Variants in SLC25A26 observed in about 807,000 individuals in gnomAD.
SLC25A26 encodes the protein mitochondrial S-adenosylmethionine carrier protein.
In SLC25A26, 36 loss-of-function variants were observed where a neutral mutation model predicts 37.8. The ratio of observed to expected loss-of-function variants is 0.95; its 90% CI spans 0.73 to 1.26. The LOEUF is 1.26. SLC25A26 is among the 50% of genes most tolerant of loss of function. The pLI, the probability that SLC25A26 is intolerant of heterozygous loss-of-function variation, is 0.00. For synonymous variants in SLC25A26, 129 were observed against 122.5 expected (o/e 1.05, Z -0.35); for missense variants, 390 against 331.1 (o/e 1.18, Z -1.38).
chr3:66,202,915 G>A (rs2071128924), intron 1 of SLC25A26, among the ~76,000 whole-genome samples: 1 of 152,082 alleles, frequency 6.6e-6, no homozygotes, highest in African/African-American at 2.4e-5. Context: ...CTTTGTTCAA[G>A]ACCAAATTTA....
chr3:66,197,299 A>T (rs961938473), intron 1 of SLC25A26, among the ~76,000 whole-genome samples: 20 of 152,280 alleles, frequency 1.3e-4, no homozygotes, highest in Admixed American at 7.8e-4. Context: ...CTGTATGAGG[A>T]TAGGCATCAG....
intron 1 of SLC25A26, among the ~76,000 whole-genome samples, chr3:66,213,399 C>CAAAAAAA (rs1169648803): frequency 6.9e-5 from 2 of 28,840 alleles, no homozygotes; most frequent in African/African-American, 2.8e-4. Flanking sequence ...GACTCTGTCT[C>CAAAAAAA]AAAAAAAAAA....
At position 66,236,598 on chromosome 3, in the gene SLC25A26, A is replaced by T; in HGVS notation, c.88A>T (p.Ile30Phe). 1 of 1,517,402 alleles carries T rather than the reference A, an allele frequency of 6.6e-7. No individual in the cohort carries two copies. The allele number at this position is 1,517,402 out of a possible 1,614,324, so 94.0% of individuals were successfully genotyped here. A position where few individuals can be genotyped will look rare whatever the true frequency, so the allele number is the denominator to read the frequency against. Residue 30 changes from isoleucine (I) to phenylalanine (F), a missense_variant, in exon 2 of 10, where the codon ATT becomes TTT. Coordinates refer to ENST00000354883, the MANE Select transcript of SLC25A26 (RefSeq NM_001379210.1). ...VDLILFPLDT[I>F]KTRLQSPQGF... The stretch of plus-strand genomic sequence containing the variant: ...CTTGATATTATTTCCTCTGGATACC[A>T]TTAAAACCAGGCTGCAGAGTCCCCA...
At chr3:66,264,836 A>C (rs577853617) in intron 5 of SLC25A26, among the ~76,000 whole-genome samples, 8 of 152,256 alleles carry the variant, frequency 5.3e-5, no homozygotes, top group Non-Finnish European at 1.0e-4. Context: ...TTCAGTCTGG[A>C]CTGGAGTCCT....
chr3:66,139,569 C>T (rs1239940372), intron 1 of SLC25A26, among the ~76,000 whole-genome samples: 1 of 152,164 alleles, frequency 6.6e-6, no homozygotes, highest in African/African-American at 2.4e-5. Flanking sequence ...AAAACAGTGA[C>T]TGAAGATTGA....
chr3:66,141,054 C>T (rs2070026131), intron 1 of SLC25A26, among the ~76,000 whole-genome samples: 1 of 149,436 alleles, frequency 6.7e-6, no homozygotes, highest in South Asian at 2.1e-4. Context: ...AAACAGGACA[C>T]ACACACACAC....
At chr3:66,319,786 T>C (rs2075644267) in intron 5 of SLC25A26, among the ~76,000 whole-genome samples, 1 of 125,944 alleles carries the variant, frequency 7.9e-6, no homozygotes, top group African/African-American at 3.2e-5. Context: ...GAAGTTTCAC[T>C]CTTGTTGCCC....
Position 66,262,143 on chromosome 3 carries a change from C to T in SLC25A26, c.393C>T (p.Ile131=). 6.5e-7 allele frequency: 1 copy of T among 1,548,916 alleles called. No individual in the cohort carries two copies. The highest frequency in any genetic ancestry group is 8.8e-7 in the Non-Finnish European group (1 of 1,140,400). Residue 131 remains isoleucine (I), a synonymous_variant, in exon 4 of 10, where the codon ATC becomes ATT. Transcript: ENST00000354883. ...GAACATTTCAGATTTTCTCTAACAT[C>T]TTATATGAAGAGGTGAGATGGGTTT... ...STRTFQIFSN[I]LYEEGIQGLY... is the part of the protein sequence containing the mutation.
intron 7 of SLC25A26, among the ~76,000 whole-genome samples, chr3:66,366,579 A>G (rs543760860): frequency 3.3e-5 from 5 of 152,320 alleles, no homozygotes; most frequent in African/African-American, 9.6e-5. Flanking sequence ...TGAAACCTAA[A>G]TCTCCAAGAG....
chr3:66,293,131 C>G (rs1028053030), intron 5 of SLC25A26: 3 of 152,240 alleles, frequency 2.0e-5, no homozygotes, highest in Admixed American at 2.0e-4. Context: ...TGGAAAGCTT[C>G]ACGAATTTGC....
intron 1 of SLC25A26, among the ~76,000 whole-genome samples, chr3:66,195,967 A>C (rs961879772): frequency 6.6e-6 from 1 of 152,206 alleles, no homozygotes; most frequent in Non-Finnish European, 1.5e-5. Context: ...CAAGCGTAGG[A>C]GCTATTGATA....
intron 5 of SLC25A26, among the ~76,000 whole-genome samples, chr3:66,295,591 C>T (rs981843314): frequency 6.6e-5 from 10 of 151,728 alleles, no homozygotes; most frequent in Admixed American, 1.3e-4. Context: ...TTAGTAGAGA[C>T]GGGGTTTCAC....
At chr3:66,189,457 C>G (rs1319648753) in intron 1 of SLC25A26, among the ~76,000 whole-genome samples, 10 of 151,978 alleles carry the variant, frequency 6.6e-5, no homozygotes, top group Non-Finnish European at 1.5e-4. Context: ...GTCTGTGACC[C>G]CCTCTCTCTG....
chr3:66,360,961 G>A (rs530992160), intron 6 of SLC25A26, among the ~76,000 whole-genome samples: 2 of 152,270 alleles, frequency 1.3e-5, no homozygotes, highest in African/African-American at 4.8e-5. Context: ...CTTTGAAAAA[G>A]AATTTGGAAG....
chr3:66,239,511 G>C (rs2072465559), intron 2 of SLC25A26, among the ~76,000 whole-genome samples: 1 of 152,134 alleles, frequency 6.6e-6, no homozygotes, highest in Non-Finnish European at 1.5e-5. Flanking sequence ...GGCAGAAGCT[G>C]CTTCTCCTGT....
At chr3:66,186,000 C>T (rs1050241637) in intron 1 of SLC25A26, among the ~76,000 whole-genome samples, 1 of 151,840 alleles carries the variant, frequency 6.6e-6, no homozygotes, top group Non-Finnish European at 1.5e-5. Flanking sequence ...ATGACCCTGA[C>T]CCTCACCATG....
intron 5 of SLC25A26, among the ~76,000 whole-genome samples, chr3:66,295,840 T>A (rs763310739): frequency 5.9e-5 from 9 of 151,844 alleles, no homozygotes; most frequent in Non-Finnish European, 1.3e-4. Context: ...CCATTTCTTG[T>A]CTGGGCACGG....
Position 66,332,293 on chromosome 3 carries a change from A to G in SLC25A26, c.454-14071A>G, listed in dbSNP as rs781042073. On this transcript the variant is annotated intron_variant, in intron 5 of 9. Transcript: ENST00000354883. The stretch of plus-strand genomic sequence containing the variant: ...CCTACTGTGTTTAGCCCTTCTTCCA[A>G]TGCTTTGATATTCCTTTGACAGTTT... Among the ~76,000 whole-genome samples, 17 of 152,130 alleles carry G rather than the reference A, an allele frequency of 1.1e-4. No homozygotes were observed. The East Asian group carries it at 3.1e-3, about 28-fold the overall frequency.
chr3:66,208,809 G>GGT (rs1559577198), intron 1 of SLC25A26, among the ~76,000 whole-genome samples: 1 of 38,520 alleles, frequency 2.6e-5, no homozygotes, highest in African/African-American at 5.7e-5. Flanking sequence ...CCTTTACATG[G>GGT]GTATATATAT....
Sources: allele counts gnomAD v4.1 joint callset (sites outside exome capture counted in the v4.1 genomes callset), GRCh38; gene constraint gnomAD v4.1.1; transcripts MANE v1.5; gene names NCBI Gene and HGNC (gene_info 2026-07-23, HGNC 2026-07-21).